Variants in SHB observed in about 807,000 individuals in gnomAD.
SHB encodes the protein SH2 domain containing adaptor protein B, also known as SH2 domain-containing adapter protein B.
A neutral mutation model predicts 52.3 loss-of-function variants in SHB; 20 were observed. The ratio of observed to expected loss-of-function variants is 0.38; its 90% CI spans 0.27 to 0.56. SHB has a LOEUF of 0.56. SHB is among the 20% of genes least tolerant of loss of function. The pLI is 0.71. For synonymous variants in SHB, 397 were observed against 316.5 expected (o/e 1.25, Z -2.70); for missense variants, 825 against 723.3 (o/e 1.14, Z -1.61).
rs555485481 is a variant in SHB, at chr9:37,921,417, A to C, written c.1347-1413T>G. ...CAAGTGCCCACTCTATTAACACCTT[A>C]ATTTGGGCTCCAGGACCATTTTTAA... is the stretch of plus-strand genomic sequence containing the variant. On this transcript the variant is annotated intron_variant, in intron 5 of 5. Coordinates refer to ENST00000377707, the MANE Select transcript of SHB (RefSeq NM_003028.3). Among the ~76,000 whole-genome samples the C allele has an allele frequency of 5.9e-5, 9 of 152,356 alleles. No homozygotes were observed. The South Asian group carries it at 8.3e-4, about 14-fold the overall frequency.
At chr9:37,976,569 G>A (rs1189906499) in intron 2 of SHB, among the ~76,000 whole-genome samples, 8 of 152,152 alleles carry the variant, frequency 5.3e-5, no homozygotes, top group African/African-American at 1.9e-4. Flanking sequence ...GAACAATGTG[G>A]AATCATTCAG....
chr9:37,936,224 A>C (rs182011338), intron 5 of SHB, among the ~76,000 whole-genome samples: 151 of 152,230 alleles, frequency 9.9e-4, no homozygotes, highest in Middle Eastern at 3.4e-3. Context: ...TCAAAAAACA[A>C]AACAAAACCA....
chr9:37,917,037 G>GAA lies in SHB; in HGVS notation c.*2782_*2783dup, dbSNP rs200546962. Reference sequence around the variant, plus strand: ...TTTCCCCAATTAATTGGCAGCAGATGAAAAAAAAAAAAAACAAACCCAAAA... The same window carrying GAA: ...TTTCCCCAATTAATTGGCAGCAGATGAAAAAAAAAAAAAAAACAAACCCAAAA... On this transcript the variant is annotated 3_prime_UTR_variant, in exon 6 of 6. Coordinates refer to ENST00000377707, the MANE Select transcript of SHB (RefSeq NM_003028.3). Among the ~76,000 whole-genome samples the GAA allele has an allele frequency of 4.2e-4, 50 of 119,952 alleles. No individual in the cohort carries two copies. Among genetic ancestry groups the GAA allele is most frequent in the African/African-American group, 1.0e-3 (34 of 33,444 alleles). The allele number at this position is 119,952 out of a possible 152,430, so 78.7% of individuals were successfully genotyped here.
At chr9:38,036,300 A>G (rs926462338) in intron 1 of SHB, among the ~76,000 whole-genome samples, 2 of 152,258 alleles carry the variant, frequency 1.3e-5, no homozygotes, top group African/African-American at 4.8e-5. Flanking sequence ...ATGAATTTCT[A>G]AAACAGCCAC....
chr9:37,916,963 T>C lies in SHB; in HGVS notation c.*2858A>G, dbSNP rs1029749321. Among the ~76,000 whole-genome samples, 2 of 151,532 alleles carry C rather than the reference T, an allele frequency of 1.3e-5. No individual in the cohort carries two copies. The highest frequency in any genetic ancestry group is 2.4e-5 in the African/African-American group (1 of 41,258). On this transcript the variant is annotated 3_prime_UTR_variant, in exon 6 of 6. Coordinates refer to ENST00000377707, the MANE Select transcript of SHB (RefSeq NM_003028.3). ...CAGACAAAATGCCGAGGGCGCGACG[T>C]TGTGTGGCAGGAGCTTTTCTTTTCT...
intron 1 of SHB, among the ~76,000 whole-genome samples, chr9:38,025,893 G>A (rs376276586): frequency 5.9e-5 from 9 of 152,194 alleles, no homozygotes; most frequent in Non-Finnish European, 1.3e-4. Flanking sequence ...ACTCCTGAGC[G>A]GGTGACAGAA....
chr9:37,987,270 G>T lies in SHB; in HGVS notation c.839-12433C>A, dbSNP rs531781349. Among the ~76,000 whole-genome samples the T allele has an allele frequency of 2.0e-5, 3 of 152,350 alleles. No homozygotes were observed. In the South Asian group the frequency reaches 6.2e-4, roughly 32 times the overall value. Reference sequence around the variant, plus strand: ...CATTCTAGGAACACTGCGTGCTGGAGTCTGCTAAGTGCATGCCATCCAGCT... The same window carrying T: ...CATTCTAGGAACACTGCGTGCTGGATTCTGCTAAGTGCATGCCATCCAGCT... On this transcript the variant is annotated intron_variant, in intron 2 of 5. Coordinates refer to ENST00000377707, the MANE Select transcript of SHB (RefSeq NM_003028.3).
In SHB at chr9:38,069,061, C is replaced by T. The variant is rs1478570472; in HGVS notation, c.-416G>A. ...ATCCGCGGCTGCCGCGGGAACTTCT[C>T]GGCGTCCTCGGCTCCCTTCTTCCTT... On this transcript the variant is annotated 5_prime_UTR_variant, in exon 1 of 6. Transcript: ENST00000377707. 1.3e-5 allele frequency: 2 copies of T among 151,800 alleles called. No homozygotes were observed. Among genetic ancestry groups the T allele is most frequent in the African/African-American group, 4.8e-5 (2 of 41,386 alleles). 9.4% of individuals were successfully genotyped at this position (151,800 alleles called of 1,614,324 possible).
chr9:38,028,205 T>C (rs1031048093), intron 1 of SHB, among the ~76,000 whole-genome samples: 2 of 152,074 alleles, frequency 1.3e-5, no homozygotes, highest in South Asian at 2.1e-4. Flanking sequence ...AGGAAGCACA[T>C]GGACAAAACC....
intron 1 of SHB, among the ~76,000 whole-genome samples, chr9:38,021,298 C>T (rs1821279943): frequency 6.6e-6 from 1 of 151,264 alleles, no homozygotes; most frequent in African/African-American, 2.4e-5. Flanking sequence ...CGAGATCGCG[C>T]CATTGCACTC....
At chr9:37,963,789 A>C (rs1237595722) in intron 3 of SHB, among the ~76,000 whole-genome samples, 1 of 152,174 alleles carries the variant, frequency 6.6e-6, no homozygotes, top group Non-Finnish European at 1.5e-5. Flanking sequence ...AAATGCCATC[A>C]ACTTTCACAA....
At chr9:38,002,975 T>C (rs1821037092) in intron 2 of SHB, among the ~76,000 whole-genome samples, 3 of 152,190 alleles carry the variant, frequency 2.0e-5, no homozygotes, top group Non-Finnish European at 4.4e-5. Flanking sequence ...GTACGGAGCC[T>C]TGGGAATTTA....
At chr9:37,956,355 G>C (rs7044173) in intron 3 of SHB, among the ~76,000 whole-genome samples, 1 of 151,658 alleles carries the variant, frequency 6.6e-6, no homozygotes. Flanking sequence ...CACTGCCTTC[G>C]GGGGGCACTG....
intron 2 of SHB, among the ~76,000 whole-genome samples, chr9:37,982,932 C>T (rs956410768): frequency 1.3e-5 from 2 of 151,756 alleles, no homozygotes; most frequent in Non-Finnish European, 2.9e-5. Context: ...GGTTTGCTCG[C>T]TGGAAAACTG....
chr9:38,029,180 A>G (rs1286476682), intron 1 of SHB, among the ~76,000 whole-genome samples: 2 of 152,126 alleles, frequency 1.3e-5, no homozygotes, highest in Non-Finnish European at 2.9e-5. Flanking sequence ...GGTCCAATCA[A>G]CTCTGCCCAG....
chr9:38,036,988 G>T (rs1164087491), intron 1 of SHB, among the ~76,000 whole-genome samples: 1 of 152,130 alleles, frequency 6.6e-6, no homozygotes, highest in Non-Finnish European at 1.5e-5. Context: ...ACTCTACTAT[G>T]AAACTCCTCC....
chr9:37,973,994 C>T (rs1820622955), intron 3 of SHB, among the ~76,000 whole-genome samples: 1 of 152,196 alleles, frequency 6.6e-6, no homozygotes, highest in African/African-American at 2.4e-5. Context: ...GTGGCTCACG[C>T]CTGTAATCCC....
chr9:37,939,189 C>T (rs541173743), intron 5 of SHB, among the ~76,000 whole-genome samples: 1 of 152,346 alleles, frequency 6.6e-6, no homozygotes, highest in East Asian at 1.9e-4. Context: ...TCTGAATTGG[C>T]CTTGGCCTCC....
chr9:38,003,574 T>C (rs554689577), intron 2 of SHB, among the ~76,000 whole-genome samples: 458 of 152,274 alleles, frequency 3.0e-3, no homozygotes, highest in African/African-American at 0.01. Context: ...CCTGTGCTCG[T>C]TGCAGTGCCC....
Sources: allele counts gnomAD v4.1 joint callset (sites outside exome capture counted in the v4.1 genomes callset), GRCh38; gene constraint gnomAD v4.1.1; transcripts MANE v1.5; gene names NCBI Gene and HGNC (gene_info 2026-07-23, HGNC 2026-07-21).